Variants in TRAK1 observed in about 807,000 individuals in gnomAD.
TRAK1 encodes trafficking kinesin protein 1.
TRAK1 carries 33 observed loss-of-function variants against 92.1 expected under a neutral mutation model. The observed-to-expected ratio is 0.36, with a 90% CI of 0.27 to 0.48. The LOEUF is 0.48. TRAK1 is among the 20% of genes least tolerant of loss of function. TRAK1 has a pLI of 0.99. For missense variants in TRAK1, 1,123 were observed against 1,257.9 expected, an observed-to-expected ratio of 0.89 and a Z score of 1.62; for synonymous variants, 521 against 517.3, an observed-to-expected ratio of 1.01 and a Z score of -0.10.
intron 1 of TRAK1, among the ~76,000 whole-genome samples, chr3:42,097,483 G>A (rs1015404025): frequency 6.6e-6 from 1 of 152,142 alleles, no homozygotes; most frequent in East Asian, 1.9e-4. Context: ...TGTATAAACG[G>A]CAGCAGCCCC....
chr3:42,156,274 G>A (rs1205962219), intron 2 of TRAK1, among the ~76,000 whole-genome samples: 1 of 152,216 alleles, frequency 6.6e-6, no homozygotes, highest in Admixed American at 6.5e-5. Context: ...ACCGTGAAGT[G>A]AAGGCAGATG....
At chr3:42,100,377 A>T (rs1016594975) in intron 1 of TRAK1, among the ~76,000 whole-genome samples, 3 of 152,152 alleles carry the variant, frequency 2.0e-5, no homozygotes, top group Non-Finnish European at 4.4e-5. Context: ...TTTCTTAAAT[A>T]AAAAAATGGT....
At chr3:42,190,364 C>T (rs764336630) in intron 6 of TRAK1, among the ~76,000 whole-genome samples, 170 of 152,236 alleles carry the variant, frequency 1.1e-3, no homozygotes, top group Non-Finnish European at 2.1e-3. Context: ...CTTCATGTCC[C>T]GTCTGAACAA....
intron 1 of TRAK1, among the ~76,000 whole-genome samples, chr3:42,112,350 C>T (rs1239234669): frequency 2.7e-5 from 4 of 149,800 alleles, no homozygotes; most frequent in Non-Finnish European, 5.9e-5. Context: ...ATCACTTGAA[C>T]CTGGGAGGTG....
intron 1 of TRAK1, among the ~76,000 whole-genome samples, chr3:42,065,041 C>T (rs1436846858): frequency 1.3e-5 from 2 of 152,058 alleles, no homozygotes; most frequent in African/African-American, 4.8e-5. Context: ...CGCGCCACTG[C>T]ACTCCAGCCT....
intron 13 of TRAK1, among the ~76,000 whole-genome samples, chr3:42,208,472 A>C (rs1577021831): frequency 6.6e-6 from 1 of 151,992 alleles, no homozygotes; most frequent in Non-Finnish European, 1.5e-5. Flanking sequence ...ACCGCCTCCC[A>C]CCTCGGCCTG....
At chr3:42,117,354 T>A (rs1709295572) in intron 1 of TRAK1, among the ~76,000 whole-genome samples, 1 of 115,396 alleles carries the variant, frequency 8.7e-6, no homozygotes, top group Admixed American at 7.8e-5. Context: ...ACCCAGGGCC[T>A]CTCGGCTTCC....
intron 1 of TRAK1, among the ~76,000 whole-genome samples, chr3:42,104,560 C>T (rs998305364): frequency 6.6e-5 from 10 of 152,304 alleles, no homozygotes; most frequent in African/African-American, 2.4e-4. Context: ...CTGCAGCCTC[C>T]GCTGGTGATA....
chr3:42,044,382 G>A (rs1428444491), intron 1 of TRAK1, among the ~76,000 whole-genome samples: 1 of 152,136 alleles, frequency 6.6e-6, no homozygotes, highest in African/African-American at 2.4e-5. Flanking sequence ...GGCTGGTCTC[G>A]AACTCCTGAG....
chr3:42,131,401 C>T (rs1697176356), intron 2 of TRAK1, among the ~76,000 whole-genome samples: 1 of 152,154 alleles, frequency 6.6e-6, no homozygotes, highest in South Asian at 2.1e-4. Flanking sequence ...TGGCTGTCAA[C>T]CCTGATGCAC....
chr3:42,183,218 T>C (rs1234115413), intron 3 of TRAK1, among the ~76,000 whole-genome samples: 1 of 152,210 alleles, frequency 6.6e-6, no homozygotes, highest in African/African-American at 2.4e-5. Flanking sequence ...GTTACTAAAA[T>C]GGTTTCTTAA....
intron 1 of TRAK1, among the ~76,000 whole-genome samples, chr3:42,034,279 C>T (rs1702249264): frequency 6.6e-6 from 1 of 151,718 alleles, no homozygotes; most frequent in Non-Finnish European, 1.5e-5. Flanking sequence ...CCAGTGTCAG[C>T]TGGGTCATAG....
intron 1 of TRAK1, among the ~76,000 whole-genome samples, chr3:42,069,320 CA>C (rs67809792): frequency 2.4e-4 from 33 of 137,218 alleles, no homozygotes; most frequent in Admixed American, 3.7e-4. Context: ...GACCCTGTCT[CA>C]AAAAAAAAAA....
At chr3:42,123,717 T>C (rs76826693) in intron 1 of TRAK1, among the ~76,000 whole-genome samples, 2 of 148,376 alleles carry the variant, frequency 1.3e-5, no homozygotes, top group African/African-American at 2.5e-5. Flanking sequence ...TTTTTTTTTT[T>C]CTCTCCTCTG....
At chr3:42,086,711 G>T (rs1181756386), upstream of TRAK1, among the ~76,000 whole-genome samples, 1 of 152,162 alleles carries the variant, frequency 6.6e-6, no homozygotes, top group Non-Finnish European at 1.5e-5. Flanking sequence ...AGAAGTTATT[G>T]TGGTTGAAAG....
intron 1 of TRAK1, among the ~76,000 whole-genome samples, chr3:42,015,891 G>T (rs752996967): frequency 7.9e-5 from 12 of 151,940 alleles, no homozygotes; most frequent in Non-Finnish European, 1.5e-4. Context: ...ACAAAAATTA[G>T]CTGGGCATGA....
intron 1 of TRAK1, among the ~76,000 whole-genome samples, chr3:42,016,175 TTTGTTCCTGTCA>T (rs1701516877): frequency 6.6e-6 from 1 of 152,210 alleles, no homozygotes; most frequent in South Asian, 2.1e-4. Flanking sequence ...TTAAGTGGAC[TTTGTTCCTGTCA>T]TTGCATTCTG....
At chr3:42,093,817 C>G (rs1178212178) in intron 1 of TRAK1, among the ~76,000 whole-genome samples, 1 of 150,374 alleles carries the variant, frequency 6.7e-6, no homozygotes, top group African/African-American at 2.4e-5. Context: ...GTTCTCATCC[C>G]TCAACCTCCT....
Position 42,193,849 on chromosome 3 carries a change from T to G in TRAK1, c.926T>G (p.Val309Gly), listed in dbSNP as rs376442996. The change falls in exon 9 of 16, where the codon GTC becomes GGC. Residue 309 changes from valine (V) to glycine (G), a missense_variant. Transcript: ENST00000327628. ...TGCGCAGTGGAAAATGAAGAACTTGTCCAGCATCTGGGGGCTGCTAAGGAT... is the reference window on the plus strand; with the variant it reads ...TGCGCAGTGGAAAATGAAGAACTTGGCCAGCATCTGGGGGCTGCTAAGGAT... Reference protein sequence around the residue: ...KACAVENEELVQHLGAAKDAQ... With the variant: ...KACAVENEELGQHLGAAKDAQ... 2.5e-6 allele frequency: 4 copies of G among 1,614,200 alleles called. No homozygotes were observed. Among genetic ancestry groups the G allele is most frequent in the Non-Finnish European group, 3.4e-6 (4 of 1,180,044 alleles).
Sources: allele counts gnomAD v4.1 joint callset (sites outside exome capture counted in the v4.1 genomes callset), GRCh38; gene constraint gnomAD v4.1.1; transcripts MANE v1.5; gene names NCBI Gene and HGNC (gene_info 2026-07-23, HGNC 2026-07-21).